TTC7B: variants seen among roughly 807,000 people sequenced by gnomAD.
TTC7B encodes the protein tetratricopeptide repeat protein 7B.
TTC7B carries 28 observed loss-of-function variants against 106.8 expected under a neutral mutation model. The observed-to-expected ratio is 0.26, with a 90% CI of 0.19 to 0.36. The LOEUF is 0.36. TTC7B is among the 10% of genes least tolerant of loss of function. The probability of loss-of-function intolerance (pLI) is 1.00; values close to 1 mark genes in which losing one functional copy is unlikely to be tolerated. For missense variants in TTC7B, 862 were observed against 1,076.4 expected (o/e 0.80, Z 2.79); for synonymous variants, 405 against 430.6 (o/e 0.94, Z 0.74).
In TTC7B at chr14:90,526,232, A is replaced by C. The variant is rs1414582933; in HGVS notation, c.*15136T>G. On this transcript the variant is annotated 3_prime_UTR_variant, in exon 20 of 20. Coordinates refer to ENST00000328459, the MANE Select transcript of TTC7B (RefSeq NM_001010854.2). Reference sequence around the variant, plus strand: ...TGATTATAGACATCCTAGTGGGTGTAAGGTGGTATCTCTTGGAGTTTTGAC... The same window carrying C: ...TGATTATAGACATCCTAGTGGGTGTCAGGTGGTATCTCTTGGAGTTTTGAC... 2.0e-5 allele frequency: 3 copies of C among 152,216 alleles called. No individual in the cohort carries two copies. The highest frequency in any genetic ancestry group is 2.9e-5 in the Non-Finnish European group (2 of 68,026). 9.4% of individuals were successfully genotyped at this position (152,216 alleles called of 1,614,324 possible).
At chr14:90,791,771 T>G (rs1891594495) in intron 1 of TTC7B, among the ~76,000 whole-genome samples, 1 of 152,014 alleles carries the variant, frequency 6.6e-6, no homozygotes, top group South Asian at 2.1e-4. Context: ...CTATTGAGGA[T>G]GAGCAGAGCA....
intron 18 of TTC7B, among the ~76,000 whole-genome samples, chr14:90,582,216 C>T (rs1439646570): frequency 1.3e-5 from 2 of 152,228 alleles, no homozygotes; most frequent in Admixed American, 6.5e-5. Flanking sequence ...TTGTTTGCCC[C>T]CCTCTCTCTG....
chr14:90,731,233 G>A (rs1198597228), intron 4 of TTC7B, among the ~76,000 whole-genome samples: 1 of 152,144 alleles, frequency 6.6e-6, no homozygotes, highest in Non-Finnish European at 1.5e-5. Context: ...TTACAGGCGT[G>A]AGCCCCTGCG....
chr14:90,720,113 G>C (rs1186364859), intron 5 of TTC7B, among the ~76,000 whole-genome samples: 1 of 151,778 alleles, frequency 6.6e-6, no homozygotes, highest in Non-Finnish European at 1.5e-5. Context: ...ATGTGGCCCA[G>C]GGAAGCCAAA....
At chr14:90,639,689 C>T (rs1352373544) in intron 15 of TTC7B, among the ~76,000 whole-genome samples, 1 of 152,192 alleles carries the variant, frequency 6.6e-6, no homozygotes, top group East Asian at 1.9e-4. Context: ...ATAGAGAAAT[C>T]CTTGAACGTG....
In TTC7B at chr14:90,737,452, A is replaced by C. The variant is rs142070708; in HGVS notation, c.577-7256T>G. On this transcript the variant is annotated intron_variant, in intron 4 of 19. Transcript: ENST00000328459. ...AATTATTTAACAATGTAAAGAAACAAAGTACTGATATATGCTACTACATGA... is the reference window on the plus strand; with the variant it reads ...AATTATTTAACAATGTAAAGAAACACAGTACTGATATATGCTACTACATGA... 2.5e-3 allele frequency among the ~76,000 whole-genome samples: 375 copies of C among 152,250 alleles called. 1 individual carries two copies. The highest frequency in any genetic ancestry group is 4.0e-3 in the Non-Finnish European group (275 of 68,020).
At chr14:90,809,020 A>C (rs536898729) in intron 1 of TTC7B, among the ~76,000 whole-genome samples, 1 of 152,344 alleles carries the variant, frequency 6.6e-6, no homozygotes, top group African/African-American at 2.4e-5. Context: ...ATTCTCTCAC[A>C]TAACAGGAAG....
rs1890994026 is a variant in TTC7B, at chr14:90,570,615, T to C, written c.2310+7491A>G. On this transcript the variant is annotated intron_variant, in intron 19 of 19. Coordinates refer to ENST00000328459, the MANE Select transcript of TTC7B (RefSeq NM_001010854.2). This position sits in a 1 kb window ranked among gnomAD's most constrained non-coding sequence, Gnocchi z 4.0. ...CACCGAGATATATTCTCATTTCGGC[T>C]CCTCCAACCAGTGAAAGTCAGTCAC... Among the ~76,000 whole-genome samples, 1 of 151,388 alleles carries C rather than the reference T, an allele frequency of 6.6e-6. No individual in the cohort carries two copies. Among genetic ancestry groups the C allele is most frequent in the African/African-American group, 2.4e-5 (1 of 41,132 alleles).
At chr14:90,777,941 G>T (rs61604037) in intron 3 of TTC7B, among the ~76,000 whole-genome samples, 1 of 152,200 alleles carries the variant, frequency 6.6e-6, no homozygotes, top group East Asian at 1.9e-4. Context: ...TGCAGTCCTC[G>T]TGACAAGCCA....
At chr14:90,542,987 CCTT>C (rs1889672671) in intron 19 of TTC7B, among the ~76,000 whole-genome samples, 2 of 152,232 alleles carry the variant, frequency 1.3e-5, no homozygotes, top group African/African-American at 4.8e-5. Context: ...TCACCTACCC[CCTT>C]CTATCATGAC....
At chr14:90,707,490 A>C (rs903127357) in intron 5 of TTC7B, among the ~76,000 whole-genome samples, 4 of 152,270 alleles carry the variant, frequency 2.6e-5, no homozygotes, top group Non-Finnish European at 5.9e-5. Context: ...GGTCTGCCAA[A>C]AGCCAAGATG....
chr14:90,621,732 G>A lies in TTC7B; in HGVS notation c.1752-3687C>T, dbSNP rs1182845178. On this transcript the variant is annotated intron_variant, in intron 15 of 19. Coordinates refer to ENST00000328459, the MANE Select transcript of TTC7B (RefSeq NM_001010854.2). ...AGGGAAAGCAGGAACAGAGCGTGCT[G>A]CCTTTCCATCATTTCCTCAAACCTC... Among the ~76,000 whole-genome samples, 3 of 152,198 alleles carry A rather than the reference G, an allele frequency of 2.0e-5. No homozygotes were observed. In the East Asian group the frequency reaches 5.8e-4, roughly 29 times the overall value.
At chr14:90,579,291 C>T (rs979219299) in intron 18 of TTC7B, among the ~76,000 whole-genome samples, 5 of 152,212 alleles carry the variant, frequency 3.3e-5, no homozygotes, top group African/African-American at 1.2e-4. Flanking sequence ...ACGCAGAGGC[C>T]GCCCGCTCTG....
At chr14:90,646,278 C>G (rs939016988) in intron 14 of TTC7B, among the ~76,000 whole-genome samples, 16 of 152,172 alleles carry the variant, frequency 1.1e-4, no homozygotes, top group African/African-American at 3.9e-4. Flanking sequence ...TGTCTTGCAC[C>G]TGGTGGGTGG....
At chr14:90,798,119 G>A (rs771109391) in intron 1 of TTC7B, among the ~76,000 whole-genome samples, 13 of 152,276 alleles carry the variant, frequency 8.5e-5, no homozygotes, top group Non-Finnish European at 1.9e-4. Flanking sequence ...CCACGAGAAC[G>A]TGCCTAGGCC....
rs1157356190 is a variant in TTC7B, at chr14:90,666,403, T to C, written c.1153-8016A>G. Among the ~76,000 whole-genome samples the C allele has an allele frequency of 4.6e-5, 7 of 152,274 alleles. No homozygotes were observed. The South Asian group carries it at 1.2e-3, about 27-fold the overall frequency. ...CTCAACCTCCTGACCTCAGGTGATA[T>C]GCCTGCCTTGGCCTCCCAAAGTGCT... is the stretch of plus-strand genomic sequence containing the variant. On this transcript the variant is annotated intron_variant, in intron 9 of 19. Transcript: ENST00000328459.
intron 2 of TTC7B, among the ~76,000 whole-genome samples, chr14:90,781,837 G>A (rs115345606): frequency 0.013 from 1,906 of 152,256 alleles, 50 homozygotes; most frequent in African/African-American, 0.044. Context: ...GGCTGGCCTG[G>A]CCAGTCCCCC....
In TTC7B at chr14:90,532,303, G is replaced by A. The variant is rs1467802300; in HGVS notation, c.*9065C>T. ...ACATATTAAAGAAAGAAACTCTGGA[G>A]ATAATTTAAAGTTGATCCCCTATTT... On this transcript the variant is annotated 3_prime_UTR_variant, in exon 20 of 20. Transcript: ENST00000328459. The A allele has an allele frequency of 1.3e-5, 2 of 152,200 alleles. No individual in the cohort carries two copies. Among genetic ancestry groups the A allele is most frequent in the East Asian group, 3.8e-4 (2 of 5,198 alleles). The allele number at this position is 152,200 out of a possible 1,614,324, so 9.4% of individuals were successfully genotyped here.
intron 13 of TTC7B, 56 bp downstream of exon 13, chr14:90,652,785 C>A: frequency 6.4e-7 from 1 of 1,566,604 alleles, no homozygotes; most frequent in South Asian, 1.1e-5. Flanking sequence ...TTTTTATACT[C>A]ATCATACTTT....
Sources: allele counts gnomAD v4.1 joint callset (sites outside exome capture counted in the v4.1 genomes callset), GRCh38; gene constraint gnomAD v4.1.1; non-coding constraint Gnocchi (gnomAD v3.1); transcripts MANE v1.5; gene names NCBI Gene and HGNC (gene_info 2026-07-23, HGNC 2026-07-21).